Variants in IFT140 observed in about 807,000 individuals in gnomAD.
IFT140 encodes intraflagellar transport 140.
In IFT140, 133 loss-of-function variants were observed where a neutral mutation model predicts 164.6. That is an observed-to-expected ratio of 0.81 (90% CI 0.70 to 0.93). IFT140 has a LOEUF of 0.93. IFT140 is among the 40% of genes least tolerant of loss of function. The pLI is 0.00. For missense variants in IFT140, 2,045 were observed against 1,972.3 expected (o/e 1.04, Z -0.70); for synonymous variants, 860 against 817.3 (o/e 1.05, Z -0.89).
chr16:1,600,905 A>C (rs556573186), intron 4 of IFT140, among the ~76,000 whole-genome samples: 1 of 151,758 alleles, frequency 6.6e-6, no homozygotes, highest in African/African-American at 2.4e-5. Context: ...AAAAAAAAAA[A>C]GGGAGGAAAA....
intron 19 of IFT140, chr16:1,554,226 A>G: frequency 1.2e-6 from 1 of 858,540 alleles, no homozygotes; most frequent in Non-Finnish European, 1.6e-6. Flanking sequence ...TTCCCAAAGC[A>G]AAGGCCAAGA....
intron 13 of IFT140, among the ~76,000 whole-genome samples, chr16:1,575,586 T>C (rs1162990802): frequency 6.6e-6 from 1 of 151,944 alleles, no homozygotes; most frequent in Non-Finnish European, 1.5e-5. Flanking sequence ...AACAGAGGAA[T>C]AAAAGGACCC....
intron 24 of IFT140, 116 bp from the exon 25 acceptor site, chr16:1,524,072 C>T (rs540178720): frequency 1.3e-5 from 17 of 1,326,170 alleles, no homozygotes; most frequent in Admixed American, 9.4e-5. Flanking sequence ...CACTGCTCAG[C>T]GATCTCTGCG....
At position 1,513,733 on chromosome 16, in the gene IFT140, G is replaced by C. The variant is rs1237696330; in HGVS notation, c.4183-2583C>G. On this transcript the variant is annotated intron_variant, in intron 30 of 30. Transcript: ENST00000426508. ...GTGTCGCCCAGGCTGGAGTGCAGTG[G>C]TGCGATCTCTGCTCACTGCAAGCTC... Among the ~76,000 whole-genome samples, 3 of 150,816 alleles carry C rather than the reference G, an allele frequency of 2.0e-5. No individual in the cohort carries two copies. The East Asian group carries it at 6.2e-4, about 31-fold the overall frequency.
intron 19 of IFT140, chr16:1,555,167 G>A (rs771287859): frequency 1.6e-5 from 16 of 1,030,880 alleles, no homozygotes; most frequent in African/African-American, 3.2e-5. Context: ...CCATGCGTGC[G>A]AGACACGTGT....
At chr16:1,580,622 C>G in intron 13 of IFT140, 137 bp downstream of exon 13, 1 of 585,704 alleles carries the variant, frequency 1.7e-6, no homozygotes, top group East Asian at 3.0e-5. Flanking sequence ...ATAAATTACC[C>G]GGTCTCAGGT....
chr16:1,513,237 C>T (rs1488596129), intron 30 of IFT140: 1 of 152,202 alleles, frequency 6.6e-6, no homozygotes, highest in Non-Finnish European at 1.5e-5. Flanking sequence ...CGCCTGTAAT[C>T]CCAGCACTTT....
chr16:1,563,796 T>C (rs1426425686), intron 17 of IFT140, among the ~76,000 whole-genome samples: 2 of 152,176 alleles, frequency 1.3e-5, no homozygotes, highest in African/African-American at 2.4e-5. Context: ...ATTCTTATTA[T>C]TATTCTTTTT....
intron 19 of IFT140, chr16:1,527,035 C>T: frequency 3.8e-6 from 2 of 530,292 alleles, no homozygotes; most frequent in Non-Finnish European, 6.7e-6. Context: ...CATTAAAAGA[C>T]AGAAGGATCT....
intron 19 of IFT140, among the ~76,000 whole-genome samples, chr16:1,544,773 C>G (rs868185203): frequency 6.6e-6 from 1 of 151,456 alleles, no homozygotes; most frequent in Non-Finnish European, 1.5e-5. Flanking sequence ...CTCAGCCTCC[C>G]GAGTAGCTGG....
chr16:1,569,785 A>C, intron 14 of IFT140, among the ~76,000 whole-genome samples: 1 of 150,012 alleles, frequency 6.7e-6, no homozygotes, highest in African/African-American at 2.5e-5. Context: ...ATTGGGTTTC[A>C]CCATGCTGCC....
At chr16:1,556,659 C>A (rs892818401) in intron 19 of IFT140, among the ~76,000 whole-genome samples, 2 of 152,196 alleles carry the variant, frequency 1.3e-5, no homozygotes, top group Non-Finnish European at 2.9e-5. Context: ...CAGCACACAG[C>A]GTAGAAATAC....
chr16:1,611,059 C>G (rs1034646512), intron 1 of IFT140, among the ~76,000 whole-genome samples: 6 of 152,242 alleles, frequency 3.9e-5, no homozygotes, highest in Admixed American at 1.3e-4. Context: ...CCCTGGGCTC[C>G]GCTTTTCTAG....
At chr16:1,520,844 G>T (rs2040505277) in intron 26 of IFT140, 36 bp from the exon 27 acceptor site, 2 of 1,580,220 alleles carry the variant, frequency 1.3e-6, no homozygotes, top group African/African-American at 2.7e-5. Flanking sequence ...GGCTGCCGAG[G>T]GGGCCGGGAA....
intron 19 of IFT140, among the ~76,000 whole-genome samples, chr16:1,544,469 G>T (rs1225058091): frequency 6.6e-6 from 1 of 151,576 alleles, no homozygotes; most frequent in Non-Finnish European, 1.5e-5. Flanking sequence ...ATAGGCGTGA[G>T]CCACCGCGCC....
At chr16:1,568,759 CAA>C (rs946306200) in intron 14 of IFT140, among the ~76,000 whole-genome samples, 10 of 151,560 alleles carry the variant, frequency 6.6e-5, no homozygotes, top group Non-Finnish European at 1.3e-4. Context: ...ATCTCAAAAA[CAA>C]AAAACGAAAA....
In IFT140 at chr16:1,533,505, G is replaced by A. The variant is rs540499588; in HGVS notation, c.2400-6709C>T. ...CCTCTCCTCTGGGACAGGAAGATGG[G>A]GAGGGGCGGCAGGAGGTGGGCCTGG... On this transcript the variant is annotated intron_variant, in intron 19 of 30. Coordinates refer to ENST00000426508, the MANE Select transcript of IFT140 (RefSeq NM_014714.4). This position sits in a 1 kb window ranked among gnomAD's most constrained non-coding sequence, Gnocchi z 4.7. 6.6e-6 allele frequency: 1 copy of A among 152,536 alleles called. No individual in the cohort carries two copies. The highest frequency in any genetic ancestry group is 2.4e-5 in the African/African-American group (1 of 41,598). 9.4% of individuals were successfully genotyped at this position (152,536 alleles called of 1,614,324 possible). A position where few individuals can be genotyped will look rare whatever the true frequency, so the allele number is the denominator to read the frequency against.
At chr16:1,525,439 G>A in intron 21 of IFT140, 113 bp from the exon 22 acceptor site, 1 of 787,078 alleles carries the variant, frequency 1.3e-6, no homozygotes, top group Non-Finnish European at 2.2e-6. Context: ...CCCTCGGGGT[G>A]TGTGCTCCTG....
intron 3 of IFT140, among the ~76,000 whole-genome samples, chr16:1,604,752 C>A (rs7197288): frequency 0.43 from 65,694 of 151,722 alleles, 15,917 homozygotes; most frequent in African/African-American, 0.66. Flanking sequence ...GAAGGGCAAG[C>A]AGCAGCAGAC....
Sources: allele counts gnomAD v4.1 joint callset (sites outside exome capture counted in the v4.1 genomes callset), GRCh38; gene constraint gnomAD v4.1.1; non-coding constraint Gnocchi (gnomAD v3.1); transcripts MANE v1.5; gene names NCBI Gene and HGNC (gene_info 2026-07-23, HGNC 2026-07-21).